PLXNC1: variants seen among roughly 807,000 people sequenced by gnomAD.
The protein encoded by PLXNC1 is plexin C1.
PLXNC1 carries 75 observed loss-of-function variants against 178.2 expected under a neutral mutation model. That is an observed-to-expected ratio of 0.42 (90% CI 0.35 to 0.51). The LOEUF (loss-of-function observed/expected upper bound fraction) is 0.51. Among genes scored for constraint, PLXNC1 ranks in the 20% least tolerant of loss-of-function variants. The probability of loss-of-function intolerance (pLI) is 0.02; values close to 1 mark genes in which losing one functional copy is unlikely to be tolerated. For missense variants in PLXNC1, 1,503 were observed against 1,984.4 expected, an observed-to-expected ratio of 0.76 and a Z score of 4.61; for synonymous variants, 790 against 779.9, an observed-to-expected ratio of 1.01 and a Z score of -0.22.
At chr12:94,192,262 C>T (rs929264789) in intron 4 of PLXNC1, among the ~76,000 whole-genome samples, 22 of 152,096 alleles carry the variant, frequency 1.4e-4, no homozygotes, top group African/African-American at 5.3e-4. Context: ...TTAAGGAACT[C>T]GCATGCTAGC....
At chr12:94,212,300 A>G (rs1414494566) in intron 5 of PLXNC1, among the ~76,000 whole-genome samples, 2 of 137,832 alleles carry the variant, frequency 1.5e-5, no homozygotes, top group African/African-American at 5.4e-5. Context: ...AAAAAAAAAT[A>G]GAAAAGACAC....
At chr12:94,242,953 C>T (rs78279795) in intron 11 of PLXNC1, among the ~76,000 whole-genome samples, 1 of 152,184 alleles carries the variant, frequency 6.6e-6, no homozygotes, top group Non-Finnish European at 1.5e-5. Flanking sequence ...TAAGAGGCTC[C>T]CTACTGTTCT....
At chr12:94,218,470 G>T (rs929899879) in intron 5 of PLXNC1, among the ~76,000 whole-genome samples, 2 of 152,004 alleles carry the variant, frequency 1.3e-5, no homozygotes, top group Non-Finnish European at 2.9e-5. Context: ...CTCTTCATAG[G>T]GGGTGATAAG....
intron 9 of PLXNC1, among the ~76,000 whole-genome samples, chr12:94,232,698 T>C (rs886377905): frequency 7.9e-5 from 12 of 152,210 alleles, no homozygotes; most frequent in Admixed American, 2.6e-4. Flanking sequence ...ATGAAGCAGT[T>C]GCATGTGCAC....
intron 21 of PLXNC1, among the ~76,000 whole-genome samples, chr12:94,265,535 G>A (rs1965185430): frequency 6.6e-6 from 1 of 152,112 alleles, no homozygotes; most frequent in African/African-American, 2.4e-5. Flanking sequence ...TCCCTATTCA[G>A]CACTTATAAT....
chr12:94,268,783 C>T (rs556375237), intron 21 of PLXNC1, among the ~76,000 whole-genome samples: 4 of 151,856 alleles, frequency 2.6e-5, no homozygotes, highest in East Asian at 1.9e-4. Flanking sequence ...TTAGTAGAAA[C>T]GGGTTTTCGC....
At chr12:94,298,884 C>A in intron 27 of PLXNC1, 89 bp downstream of exon 27, 1 of 1,233,772 alleles carries the variant, frequency 8.1e-7, no homozygotes, top group Non-Finnish European at 1.1e-6. Context: ...TAGAAGGATT[C>A]ATTTATCTCT....
At chr12:94,249,578 C>T (rs1358293219) in intron 14 of PLXNC1, among the ~76,000 whole-genome samples, 1 of 151,920 alleles carries the variant, frequency 6.6e-6, no homozygotes, top group Non-Finnish European at 1.5e-5. Context: ...CTGGGAGAGA[C>T]AACTCAAGCC....
chr12:94,175,790 G>A (rs1272591220), intron 2 of PLXNC1, among the ~76,000 whole-genome samples: 2 of 152,168 alleles, frequency 1.3e-5, no homozygotes, highest in African/African-American at 2.4e-5. Context: ...ATATACAAAG[G>A]TGAACAAAAC....
rs1313071125 is a variant in PLXNC1 at position 94,300,017 on chromosome 12, G to A, written c.4239-893G>A. 4.6e-5 allele frequency among the ~76,000 whole-genome samples: 7 copies of A among 152,188 alleles called. No individual in the cohort carries two copies. The South Asian group carries it at 1.2e-3, about 27-fold the overall frequency. On this transcript the variant is annotated intron_variant, in intron 27 of 30. Coordinates refer to ENST00000258526, the MANE Select transcript of PLXNC1 (RefSeq NM_005761.3). Reference sequence around the variant, plus strand: ...TAGCAGCATATGGGGGAGGTAATGAGCTAGGCCAGAGTTGAAAAGGAGATA... The same window carrying A: ...TAGCAGCATATGGGGGAGGTAATGAACTAGGCCAGAGTTGAAAAGGAGATA...
chr12:94,238,115 A>G (rs1964289806), intron 10 of PLXNC1, among the ~76,000 whole-genome samples: 1 of 152,212 alleles, frequency 6.6e-6, no homozygotes. Context: ...TGGAGTAGCA[A>G]ACATCATTCT....
At chr12:94,303,452 T>C (rs776364561) in intron 28 of PLXNC1, among the ~76,000 whole-genome samples, 5 of 152,220 alleles carry the variant, frequency 3.3e-5, no homozygotes, top group Admixed American at 6.5e-5. Context: ...ATAAGTTCCA[T>C]TGTTACAGTA....
chr12:94,294,572 C>G (rs766640768), intron 24 of PLXNC1, 32 bp downstream of exon 24: 10 of 949,508 alleles, frequency 1.1e-5, no homozygotes, highest in Non-Finnish European at 1.7e-5. Context: ...ACCTTTTGTT[C>G]TCACCCAGCT....
At chr12:94,295,828 CATA>C (rs1967867566) in intron 24 of PLXNC1, among the ~76,000 whole-genome samples, 1 of 152,146 alleles carries the variant, frequency 6.6e-6, no homozygotes, top group Admixed American at 6.5e-5. Flanking sequence ...CTGTGTTGTC[CATA>C]ATGTCTGCCT....
At chr12:94,168,361 A>G (rs1453226874) in intron 1 of PLXNC1, 1 of 152,252 alleles carries the variant, frequency 6.6e-6, no homozygotes, top group Non-Finnish European at 1.5e-5. Context: ...CCTTTTAAAC[A>G]AAAAAGAAAA....
Position 94,197,437 on chromosome 12 carries a change from T to TCTCTCTCTCTCTCTCTCTC in PLXNC1, c.1439+10964_1439+10965insCTCTCTCTCTCTCTCTCTC, listed in dbSNP as rs1555198027. Among the ~76,000 whole-genome samples the TCTCTCTCTCTCTCTCTCTC allele has an allele frequency of 7.4e-4, 110 of 148,654 alleles. 2 individuals are homozygous for TCTCTCTCTCTCTCTCTCTC. The highest frequency in any genetic ancestry group is 2.6e-3 in the African/African-American group (104 of 40,220). Reference sequence around the variant, plus strand: ...TGATAAAATGATACATTAGGCCCCTTTCTCTCTCTCTCTCTCTCTCTCTGT... The same window carrying TCTCTCTCTCTCTCTCTCTC: ...TGATAAAATGATACATTAGGCCCCTTCTCTCTCTCTCTCTCTCTCTCTCTCTCTCTCTCTCTCTCTCTGT... On this transcript the variant is annotated intron_variant, in intron 4 of 30. Transcript: ENST00000258526.
chr12:94,176,359 G>A (rs1365248100), intron 2 of PLXNC1: 1 of 152,190 alleles, frequency 6.6e-6, no homozygotes, highest in African/African-American at 2.4e-5. Context: ...CGGGCTAGGT[G>A]AGAGATGATA....
At chr12:94,278,732 T>C (rs1966184232) in intron 21 of PLXNC1, among the ~76,000 whole-genome samples, 2 of 152,142 alleles carry the variant, frequency 1.3e-5, no homozygotes, top group African/African-American at 4.8e-5. Context: ...GCACAGTGGC[T>C]CACGCCTGTA....
At chr12:94,276,955 T>A (rs1393168931) in intron 21 of PLXNC1, 2 of 152,208 alleles carry the variant, frequency 1.3e-5, no homozygotes, top group East Asian at 3.9e-4. Flanking sequence ...ATTCCACTGA[T>A]TCGGAGTTTT....
Sources: allele counts gnomAD v4.1 joint callset (sites outside exome capture counted in the v4.1 genomes callset), GRCh38; gene constraint gnomAD v4.1.1; transcripts MANE v1.5; gene names NCBI Gene and HGNC (gene_info 2026-07-23, HGNC 2026-07-21).